COG5: variants seen among roughly 807,000 people sequenced by gnomAD.
COG5 encodes the protein component of oligomeric golgi complex 5.
A neutral mutation model predicts 110.4 loss-of-function variants in COG5; 86 were observed. The observed-to-expected ratio is 0.78, with a 90% CI of 0.65 to 0.93. The LOEUF is 0.93. Among genes scored for constraint, COG5 ranks in the 40% least tolerant of loss-of-function variants. COG5 has a pLI of 0.00. For synonymous variants in COG5, 360 were observed against 334.6 expected (o/e 1.08, Z -0.83); for missense variants, 1,077 against 987.0 (o/e 1.09, Z -1.22).
chr7:107,359,135 G>A (rs950447482), intron 10 of COG5, among the ~76,000 whole-genome samples: 1 of 152,194 alleles, frequency 6.6e-6, no homozygotes, highest in South Asian at 2.1e-4. Context: ...CCACAGCTGT[G>A]GACCCAGGCA....
At chr7:107,234,323 AG>A (rs1027358920) in intron 18 of COG5, among the ~76,000 whole-genome samples, 1 of 152,230 alleles carries the variant, frequency 6.6e-6, no homozygotes, top group African/African-American at 2.4e-5. Context: ...ATTTACCTTA[AG>A]GGAAGGGACC....
At chr7:107,523,716 G>A (rs1800507250) in intron 6 of COG5, among the ~76,000 whole-genome samples, 1 of 152,114 alleles carries the variant, frequency 6.6e-6, no homozygotes, top group Non-Finnish European at 1.5e-5. Context: ...TCAGGAGGCT[G>A]AGGCAGGAGA....
At chr7:107,342,368 C>CAA (rs796981383) in intron 10 of COG5, among the ~76,000 whole-genome samples, 1,697 of 97,706 alleles carry the variant, frequency 0.017, 37 homozygotes, top group African/African-American at 0.058. Context: ...ACAAACAAAC[C>CAA]AAAAAAAAAA....
chr7:107,415,982 GTATA>G (rs140331190), intron 6 of COG5, among the ~76,000 whole-genome samples: 11 of 78,786 alleles, frequency 1.4e-4, no homozygotes, highest in Non-Finnish European at 2.4e-4. Flanking sequence ...ATACACGTAT[GTATA>G]TATGTGTGTA....
At chr7:107,556,683 T>C (rs1803348244) in intron 2 of COG5, among the ~76,000 whole-genome samples, 1 of 152,230 alleles carries the variant, frequency 6.6e-6, no homozygotes, top group African/African-American at 2.4e-5. Context: ...CACTGGTCTG[T>C]GGGTCCTTGG....
chr7:107,382,907 C>A (rs765698694), intron 7 of COG5, among the ~76,000 whole-genome samples: 2 of 152,122 alleles, frequency 1.3e-5, no homozygotes, highest in African/African-American at 2.4e-5. Context: ...CTTACTTATT[C>A]CTGTAAATCA....
At chr7:107,225,180 T>C (rs1800242194) in intron 19 of COG5, among the ~76,000 whole-genome samples, 1 of 152,174 alleles carries the variant, frequency 6.6e-6, no homozygotes, top group South Asian at 2.1e-4. Context: ...TGCCCCTAAT[T>C]GGAACTGAGG....
chr7:107,499,760 T>C (rs967263653), intron 6 of COG5, among the ~76,000 whole-genome samples: 1 of 152,120 alleles, frequency 6.6e-6, no homozygotes, highest in African/African-American at 2.4e-5. Flanking sequence ...TGGAGTCTGT[T>C]AATTCAGTGC....
chr7:107,298,426 C>T, intron 11 of COG5, 80 bp from the exon 12 acceptor site: 1 of 1,165,118 alleles, frequency 8.6e-7, no homozygotes, highest in Admixed American at 2.0e-5. Context: ...AGATATGTTC[C>T]AAATAACCCA....
At chr7:107,535,014 T>A (rs1360871278) in intron 5 of COG5, among the ~76,000 whole-genome samples, 1 of 151,454 alleles carries the variant, frequency 6.6e-6, no homozygotes, top group African/African-American at 2.4e-5. Context: ...GATTAAGAAA[T>A]TCTCTCAAAA....
intron 6 of COG5, among the ~76,000 whole-genome samples, chr7:107,526,122 T>C (rs1278015817): frequency 2.0e-5 from 3 of 152,216 alleles, no homozygotes; most frequent in African/African-American, 7.2e-5. Context: ...GAACATGTAA[T>C]GTACATTTCT....
At chr7:107,548,607 G>C (rs933401205) in intron 3 of COG5, among the ~76,000 whole-genome samples, 1 of 152,116 alleles carries the variant, frequency 6.6e-6, no homozygotes, top group Non-Finnish European at 1.5e-5. Context: ...AAAAGTTATG[G>C]ACCTAGATAC....
intron 6 of COG5, among the ~76,000 whole-genome samples, chr7:107,504,107 C>T (rs1374661225): frequency 1.3e-5 from 2 of 152,034 alleles, no homozygotes; most frequent in African/African-American, 4.8e-5. Flanking sequence ...AACTTTTCCC[C>T]GTTCAGTATG....
intron 6 of COG5, among the ~76,000 whole-genome samples, chr7:107,431,242 C>T (rs1367544233): frequency 6.6e-6 from 1 of 152,074 alleles, no homozygotes; most frequent in African/African-American, 2.4e-5. Flanking sequence ...TGTGTTTGCA[C>T]ATAACAACAG....
intron 10 of COG5, among the ~76,000 whole-genome samples, chr7:107,351,206 G>A (rs1030221011): frequency 3.9e-5 from 6 of 152,124 alleles, no homozygotes; most frequent in Non-Finnish European, 8.8e-5. Context: ...CAAGCAATGG[G>A]GAAAGGATTC....
chr7:107,324,149 T>A (rs988903328), intron 11 of COG5, among the ~76,000 whole-genome samples: 2 of 152,146 alleles, frequency 1.3e-5, no homozygotes, highest in Admixed American at 1.3e-4. Flanking sequence ...ACACTCTACG[T>A]AGGAAAAATT....
rs189056035 is a variant in COG5 at position 107,205,728 on chromosome 7, T to C, written c.2376-2098A>G. ...CTTAGGACTCGGCTTCAATGCTCCC[T>C]TTTAAGGAAAGCCTTTCTTAACTCC... On this transcript the variant is annotated intron_variant, in intron 21 of 21. Coordinates refer to ENST00000297135, the MANE Select transcript of COG5 (RefSeq NM_006348.5). Among the ~76,000 whole-genome samples the C allele has an allele frequency of 4.7e-3, 715 of 152,274 alleles. 8 individuals carry two copies. The highest frequency in any genetic ancestry group is 3.8e-3 in the Non-Finnish European group (258 of 68,020).
intron 11 of COG5, among the ~76,000 whole-genome samples, chr7:107,299,419 T>C (rs1807047870): frequency 1.3e-5 from 2 of 152,066 alleles, no homozygotes; most frequent in South Asian, 4.1e-4. Flanking sequence ...CTGAATAAAT[T>C]TGAAAACTTT....
At position 107,203,348 on chromosome 7, in the gene COG5, T is replaced by A. The variant is rs571484508; in HGVS notation, c.*168A>T. The stretch of plus-strand genomic sequence containing the variant: ...AAGGTGGTGATAACTCAACATTTTT[T>A]ATGCTAAAGTATAAGTGCTAAAGAG... On this transcript the variant is annotated 3_prime_UTR_variant, in exon 22 of 22. Transcript: ENST00000297135. 1.6e-6 allele frequency: 1 copy of A among 626,060 alleles called. No homozygotes were observed. Among genetic ancestry groups the A allele is most frequent in the South Asian group, 1.8e-5 (1 of 54,322 alleles). The allele number at this position is 626,060 out of a possible 1,614,324, so 38.8% of individuals were successfully genotyped here. A position where few individuals can be genotyped will look rare whatever the true frequency, so the allele number is the denominator to read the frequency against.
Sources: gnomAD v4.1 joint callset for allele counts (sites outside exome capture counted in the v4.1 genomes callset) on GRCh38, gnomAD v4.1.1 for gene constraint, MANE v1.5 for transcripts, NCBI Gene and HGNC (gene_info 2026-07-23, HGNC 2026-07-21) for gene names.